FLOT2: variants seen among roughly 807,000 people sequenced by gnomAD.
FLOT2 encodes the protein flotillin-2.
In FLOT2, 35 loss-of-function variants were observed where a neutral mutation model predicts 54.9. That is an observed-to-expected ratio of 0.64 (90% CI 0.49 to 0.84). The LOEUF is 0.84. Ranked by LOEUF, FLOT2 falls within the 40% of genes least tolerant of loss-of-function variation. The pLI is 0.00. For missense variants in FLOT2, 464 were observed against 572.1 expected, an observed-to-expected ratio of 0.81 and a Z score of 1.93; for synonymous variants, 207 against 228.9, an observed-to-expected ratio of 0.90 and a Z score of 0.86.
intron 10 of FLOT2, 57 bp from the exon 11 acceptor site, chr17:28,880,656 C>T (rs1598086865): frequency 1.2e-6 from 2 of 1,613,930 alleles, no homozygotes; most frequent in African/African-American, 1.3e-5. Context: ...ACCACTTTGC[C>T]TGGGCCAGTC....
Position 28,889,121 on chromosome 17 carries a change from G to T in FLOT2, c.50-95C>A. 4.1e-6 allele frequency: 4 copies of T among 977,572 alleles called. No homozygotes were observed. In the South Asian group the frequency reaches 5.4e-5, roughly 13 times the overall value. The allele number at this position is 977,572 out of a possible 1,614,324, so 60.6% of individuals were successfully genotyped here. On this transcript the variant is annotated intron_variant, in intron 1 of 10. Transcript: ENST00000394908. ...GCAACTTTTGTCCTTTACCTGCTCT[G>T]ATACTTGACAACGCCTACTGTTGGG...
Position 28,880,000 on chromosome 17 carries a change from G to A in FLOT2, c.*561C>T, listed in dbSNP as rs1423562773. The A allele has an allele frequency of 1.9e-5, 19 of 989,124 alleles. No homozygotes were observed. The highest frequency in any genetic ancestry group is 2.3e-5 in the Non-Finnish European group (19 of 832,492). 61.3% of individuals were successfully genotyped at this position (989,124 alleles called of 1,614,324 possible). On this transcript the variant is annotated 3_prime_UTR_variant, in exon 11 of 11. Transcript: ENST00000394908. ...GATGAGGGGAAGGACAGTGTCTCTG[G>A]GCCCTGCAGGTCATGGCTGCCCAGA...
intron 2 of FLOT2, 149 bp downstream of exon 2, chr17:28,888,796 T>TCCCCCCCCTCCCCCCCCCCCCC: frequency 2.3e-6 from 1 of 428,338 alleles, no homozygotes; most frequent in Non-Finnish European, 4.5e-6. Context: ...TCTTAGGAAG[T>TCCCCCCCCTCCCCCCCCCCCCC]CCCCCCCAAC....
At position 28,895,128 on chromosome 17, in the gene FLOT2, G is replaced by C. The variant is rs375798481; in HGVS notation, c.49+2398C>G. Among the ~76,000 whole-genome samples the C allele has an allele frequency of 1.4e-4, 21 of 151,754 alleles. No individual in the cohort carries two copies. In the East Asian group the frequency reaches 2.1e-3, roughly 15 times the overall value. On this transcript the variant is annotated intron_variant, in intron 1 of 10. Transcript: ENST00000394908. ...GAGTTTTGCCATATTGCCCAAGCTG[G>C]TCTCAAACTCCTGGCCTCGAGTGAT...
rs2039436320 is a variant in FLOT2, at chr17:28,880,907, G to C, written c.1099-45C>G. The C allele has an allele frequency of 2.5e-6, 4 of 1,609,112 alleles. No homozygotes were observed. The South Asian group carries it at 4.4e-5, about 18-fold the overall frequency. ...GGACAGCCTGGTTGGCGCTGACTCT[G>C]TTCTCAGCCCGGTCCAGCATCTCTC... On this transcript the variant is annotated intron_variant, in intron 9 of 10. Coordinates refer to ENST00000394908, the MANE Select transcript of FLOT2 (RefSeq NM_004475.3).
intron 2 of FLOT2, among the ~76,000 whole-genome samples, chr17:28,886,400 C>T (rs1478878720): frequency 6.6e-6 from 1 of 152,232 alleles, no homozygotes; most frequent in Non-Finnish European, 1.5e-5. Flanking sequence ...TCTGGGGACT[C>T]CTGAGCTTTA....
In FLOT2 at chr17:28,880,535, C is replaced by A. The variant is rs1200426351; in HGVS notation, c.*26G>T. On this transcript the variant is annotated 3_prime_UTR_variant, in exon 11 of 11. Coordinates refer to ENST00000394908, the MANE Select transcript of FLOT2 (RefSeq NM_004475.3). Reference sequence around the variant, plus strand: ...TGCTGGAGGGAGGGCCGGGTGGCTGCTGAAGAGAGTGGGCCTGCAGGAGCC... The same window carrying A: ...TGCTGGAGGGAGGGCCGGGTGGCTGATGAAGAGAGTGGGCCTGCAGGAGCC... 16 of 1,611,192 alleles carry A rather than the reference C, an allele frequency of 9.9e-6. No homozygotes were observed. Among genetic ancestry groups the A allele is most frequent in the Non-Finnish European group, 1.4e-5 (16 of 1,178,598 alleles).
chr17:28,888,823 C>CCCA, intron 2 of FLOT2, 122 bp downstream of exon 2: 1 of 662,224 alleles, frequency 1.5e-6, no homozygotes, highest in Non-Finnish European at 2.7e-6. Flanking sequence ...CCTCCACCGC[C>CCCA]AGAATGGAAT....
At chr17:28,887,255 G>C (rs2039564377) in intron 2 of FLOT2, among the ~76,000 whole-genome samples, 1 of 152,160 alleles carries the variant, frequency 6.6e-6, no homozygotes, top group Non-Finnish European at 1.5e-5. Context: ...GAGGGAGGCT[G>C]AGTATCCAGG....
intron 1 of FLOT2, among the ~76,000 whole-genome samples, chr17:28,890,820 A>C (rs2039636625): frequency 6.6e-6 from 1 of 151,948 alleles, no homozygotes; most frequent in African/African-American, 2.4e-5. Flanking sequence ...ATTCAAAGGA[A>C]ATATGTGATC....
chr17:28,879,856 A>AGGG lies in FLOT2; in HGVS notation c.*702_*704dup. On this transcript the variant is annotated 3_prime_UTR_variant, in exon 11 of 11. Coordinates refer to ENST00000394908, the MANE Select transcript of FLOT2 (RefSeq NM_004475.3). Reference sequence around the variant, plus strand: ...GAAGAGGCCTTCCCTGAGCACAAGCAGGGGCCTCCTAAGGCAGTAGGAAAC... The same window carrying AGGG: ...GAAGAGGCCTTCCCTGAGCACAAGCAGGGGGGGCCTCCTAAGGCAGTAGGAAAC... The AGGG allele has an allele frequency of 1.0e-6, 1 of 986,056 alleles. No homozygotes were observed. Among genetic ancestry groups the AGGG allele is most frequent in the Non-Finnish European group, 1.2e-6 (1 of 830,110 alleles). 61.1% of individuals were successfully genotyped at this position (986,056 alleles called of 1,614,324 possible).
rs1226959919 is a variant in FLOT2, at chr17:28,882,502, A to G, written c.466-52T>C. 1 of 1,587,298 alleles carries G rather than the reference A, an allele frequency of 6.3e-7. No individual in the cohort carries two copies. Among genetic ancestry groups the G allele is most frequent in the Non-Finnish European group, 8.7e-7 (1 of 1,155,768 alleles). On this transcript the variant is annotated intron_variant, in intron 5 of 10. Transcript: ENST00000394908. This position sits in a 1 kb window ranked among gnomAD's most constrained non-coding sequence, Gnocchi z 5.6. ...CTCAAAGGAGCAGCCAGAGGCACAA[A>G]GGTGCCCCTCTAACAAAGCCACCAT...
chr17:28,890,483 T>G (rs929725996), intron 1 of FLOT2, among the ~76,000 whole-genome samples: 2 of 150,668 alleles, frequency 1.3e-5, no homozygotes, highest in South Asian at 4.2e-4. Context: ...ACCTCCCGGG[T>G]TCACGCGATT....
chr17:28,894,762 C>G (rs2039714258), intron 1 of FLOT2, among the ~76,000 whole-genome samples: 1 of 143,150 alleles, frequency 7.0e-6, no homozygotes, highest in Non-Finnish European at 1.5e-5. Context: ...CTACTGCACT[C>G]TAGTAGCCTG....
In FLOT2 at chr17:28,880,520, A is replaced by T. The variant is rs780173949; in HGVS notation, c.*41T>A. 1 of 1,604,614 alleles carries T rather than the reference A, an allele frequency of 6.2e-7. No homozygotes were observed. Among genetic ancestry groups the T allele is most frequent in the South Asian group, 1.1e-5 (1 of 89,996 alleles). ...TGGGATTAAAACGGGTGCTGGAGGGAGGGCCGGGTGGCTGCTGAAGAGAGT... is the reference window on the plus strand; with the variant it reads ...TGGGATTAAAACGGGTGCTGGAGGGTGGGCCGGGTGGCTGCTGAAGAGAGT... On this transcript the variant is annotated 3_prime_UTR_variant, in exon 11 of 11. Coordinates refer to ENST00000394908, the MANE Select transcript of FLOT2 (RefSeq NM_004475.3).
intron 1 of FLOT2, among the ~76,000 whole-genome samples, chr17:28,890,870 T>C (rs2039639509): frequency 6.6e-6 from 1 of 151,400 alleles, no homozygotes; most frequent in Non-Finnish European, 1.5e-5. Context: ...TTCTTTTTTT[T>C]TTTTTTTTTG....
At chr17:28,895,516 G>A (rs1344481506) in intron 1 of FLOT2, among the ~76,000 whole-genome samples, 1 of 152,008 alleles carries the variant, frequency 6.6e-6, no homozygotes, top group Non-Finnish European at 1.5e-5. Flanking sequence ...TCCCATCTCG[G>A]CCTCCCAAAG....
At chr17:28,890,900 T>C (rs1341185968) in intron 1 of FLOT2, among the ~76,000 whole-genome samples, 3 of 148,944 alleles carry the variant, frequency 2.0e-5, no homozygotes, top group Non-Finnish European at 4.5e-5. Flanking sequence ...CTCATTCTGT[T>C]GCCCAGGCTG....
chr17:28,896,856 A>C (rs2152651516), intron 1 of FLOT2, among the ~76,000 whole-genome samples: 1 of 152,112 alleles, frequency 6.6e-6, no homozygotes, highest in South Asian at 2.1e-4. Flanking sequence ...CCAAATATAA[A>C]ATCTCAATAG....
Sources: gnomAD v4.1 joint callset for allele counts (sites outside exome capture counted in the v4.1 genomes callset) on GRCh38, gnomAD v4.1.1 for gene constraint, Gnocchi (gnomAD v3.1) non-coding constraint, MANE v1.5 for transcripts, NCBI Gene and HGNC (gene_info 2026-07-23, HGNC 2026-07-21) for gene names.